Variants in PROCA1 observed in about 807,000 individuals in gnomAD.
PROCA1 encodes the protein protein interacting with cyclin A1.
A neutral mutation model predicts 23.2 loss-of-function variants in PROCA1; 22 were observed. The observed-to-expected ratio is 0.95, with a 90% CI of 0.68 to 1.35. The LOEUF (loss-of-function observed/expected upper bound fraction) is 1.35. PROCA1 is among the 40% of genes most tolerant of loss of function. The pLI is 0.00. For missense variants in PROCA1, 469 were observed against 459.8 expected, an observed-to-expected ratio of 1.02 and a Z score of -0.18; for synonymous variants, 182 against 179.2, an observed-to-expected ratio of 1.02 and a Z score of -0.12.
At chr17:28,710,581 GAGCTCGGACACCCATC>G (rs1179781370) in intron 1 of PROCA1, among the ~76,000 whole-genome samples, 1 of 150,384 alleles carries the variant, frequency 6.6e-6, no homozygotes, top group Non-Finnish European at 1.5e-5. Context: ...AGCTCCCCCA[GAGCTCGGACACCCATC>G]AGCTCTGTTT....
Position 28,711,711 on chromosome 17 carries a change from C to T in PROCA1, c.-51G>A, listed in dbSNP as rs771511558. The T allele has an allele frequency of 1.6e-5, 24 of 1,542,320 alleles. No homozygotes were observed. The highest frequency in any genetic ancestry group is 2.3e-5 in the South Asian group (2 of 86,964). On this transcript the variant is annotated 5_prime_UTR_variant, in exon 1 of 5. Transcript: ENST00000682792. ...TACAGGACTCTTGCGTGAAGTCCAA[C>T]CCTGAGCCTCAGCCCGGCCGAGCCC...
At chr17:28,706,503 T>C (rs1340408536) in intron 2 of PROCA1, 177 bp downstream of exon 2, 1 of 339,032 alleles carries the variant, frequency 2.9e-6, no homozygotes, top group Non-Finnish European at 6.0e-6. Flanking sequence ...AATGGGGTGA[T>C]TGCGGCCTTG....
At position 28,711,711 on chromosome 17, in the gene PROCA1, C is replaced by G; in HGVS notation, c.-51G>C. Reference sequence around the variant, plus strand: ...TACAGGACTCTTGCGTGAAGTCCAACCCTGAGCCTCAGCCCGGCCGAGCCC... The same window carrying G: ...TACAGGACTCTTGCGTGAAGTCCAAGCCTGAGCCTCAGCCCGGCCGAGCCC... On this transcript the variant is annotated 5_prime_UTR_variant, in exon 1 of 5. Transcript: ENST00000682792. The G allele has an allele frequency of 6.5e-7, 1 of 1,542,438 alleles. No individual in the cohort carries two copies. The highest frequency in any genetic ancestry group is 2.4e-5 in the East Asian group (1 of 42,360).
At chr17:28,710,867 TCA>T (rs1175035977) in intron 1 of PROCA1, 1 of 1,303,676 alleles carries the variant, frequency 7.7e-7, no homozygotes, top group South Asian at 1.2e-5. Context: ...AACTCAAAAC[TCA>T]CAAGTTATGC....
In PROCA1 at chr17:28,704,130, C is replaced by G. The variant is rs746509784; in HGVS notation, c.523G>C (p.Glu175Gln). 2 of 1,564,726 alleles carry G rather than the reference C, an allele frequency of 1.3e-6. No homozygotes were observed. The highest frequency in any genetic ancestry group is 1.7e-6 in the Non-Finnish European group (2 of 1,161,534). Residue 175 changes from glutamate to glutamine, a missense_variant, in exon 5 of 5, where the codon GAA becomes CAA. Coordinates refer to ENST00000682792, the MANE Select transcript of PROCA1 (RefSeq NM_001366301.1). The part of the protein sequence containing the change: ...HECGADDLNE[E>Q]EEEEEEESKP... ...CTTTCCTCCTCCTCCTCTTCCTCTT[C>G]TTCATTTAGATCATCTGCCCCACAC... is the stretch of plus-strand genomic sequence containing the variant.
chr17:28,703,710 CCT>C lies in PROCA1; in HGVS notation c.941_942del (p.Gln314ArgfsTer?). 1 of 1,614,136 alleles carries C rather than the reference CCT, an allele frequency of 6.2e-7. No individual in the cohort carries two copies. Among genetic ancestry groups the C allele is most frequent in the South Asian group, 1.1e-5 (1 of 91,080 alleles). On this transcript the variant is annotated frameshift_variant, in exon 5 of 5. Transcript: ENST00000682792. LOFTEE classifies it low-confidence loss of function (END_TRUNC). ...ACAATATCCTCGCTGGACAGTTCTC[CCT>C]GCCCCCGGCCATTGTAACTGTCCTC... ...ESEDSYNGRGQGELSSEDIVE... is the reference protein window; with the variant it reads ...ESEDSYNGRGXGELSSEDIVE...
rs763043877 is a variant in PROCA1 at position 28,711,569 on chromosome 17, C to T, written c.91+1G>A. ...CCCAGCCCCTGCCCCGCCCCTCTTA[C>T]CGCGGCATCTGCTCTCATCCCACGA... On this transcript the variant is annotated splice_donor_variant, in intron 1 of 4. Coordinates refer to ENST00000682792, the MANE Select transcript of PROCA1 (RefSeq NM_001366301.1). LOFTEE classifies it high-confidence loss of function. 1.2e-6 allele frequency: 2 copies of T among 1,608,634 alleles called. No individual in the cohort carries two copies. Among genetic ancestry groups the T allele is most frequent in the Non-Finnish European group, 1.7e-6 (2 of 1,178,324 alleles).
chr17:28,708,096 G>A (rs566621765), intron 1 of PROCA1, among the ~76,000 whole-genome samples: 2 of 152,058 alleles, frequency 1.3e-5, no homozygotes, highest in South Asian at 2.1e-4. Flanking sequence ...TGCACCCTCC[G>A]CCTCCCGGGT....
chr17:28,710,769 C>T, intron 1 of PROCA1: 1 of 1,302,174 alleles, frequency 7.7e-7, no homozygotes, highest in Admixed American at 2.3e-5. Flanking sequence ...ACAACACACA[C>T]AATGAATGAG....
At position 28,711,548 on chromosome 17, in the gene PROCA1, G is replaced by C. The variant is rs745728067; in HGVS notation, c.91+22C>G. The C allele has an allele frequency of 1.1e-5, 18 of 1,596,782 alleles. No homozygotes were observed. The South Asian group carries it at 2.0e-4, about 18-fold the overall frequency. ...CGAGCCGGGCCGCGCCCTCTGCCCA[G>C]CCCCTGCCCCGCCCCTCTTACCGCG... is the stretch of plus-strand genomic sequence containing the variant. On this transcript the variant is annotated intron_variant, in intron 1 of 4. Transcript: ENST00000682792.
Position 28,703,718 on chromosome 17 carries a change from C to G in PROCA1, c.935G>C (p.Arg312Pro). 1 of 1,614,146 alleles carries G rather than the reference C, an allele frequency of 6.2e-7. No individual in the cohort carries two copies. Among genetic ancestry groups the G allele is most frequent in the Non-Finnish European group, 8.5e-7 (1 of 1,180,042 alleles). The change falls in exon 5 of 5, where the codon CGG becomes CCG. Residue 312 changes from arginine to proline, a missense_variant. Coordinates refer to ENST00000682792, the MANE Select transcript of PROCA1 (RefSeq NM_001366301.1). The part of the protein sequence containing the change: ...ELESEDSYNG[R>P]GQGELSSEDI... ...CTCGCTGGACAGTTCTCCCTGCCCC[C>G]GGCCATTGTAACTGTCCTCGCTCTC... is the stretch of plus-strand genomic sequence containing the variant.
intron 2 of PROCA1, 103 bp from the exon 3 acceptor site, chr17:28,704,946 G>T: frequency 1.8e-6 from 2 of 1,111,496 alleles, no homozygotes; most frequent in Non-Finnish European, 2.6e-6. Context: ...ACCACCAGCT[G>T]TCCACCCCAA....
In PROCA1 at chr17:28,703,882, T is replaced by C; in HGVS notation, c.771A>G (p.Lys257=). The change falls in exon 5 of 5, where the codon AAA becomes AAG. Residue 257 remains lysine (K), a synonymous_variant. Transcript: ENST00000682792. The part of the protein sequence containing the change: ...EEMDEKAKLK[K]KAKKGQLTKK... ...TAGTCAACTGGCCTTTCTTGGCTTTTTTCTTCAGCTTTGCCTTCTCATCCA... is the reference window on the plus strand; with the variant it reads ...TAGTCAACTGGCCTTTCTTGGCTTTCTTCTTCAGCTTTGCCTTCTCATCCA... The C allele has an allele frequency of 6.2e-7, 1 of 1,614,158 alleles. No homozygotes were observed. Among genetic ancestry groups the C allele is most frequent in the South Asian group, 1.1e-5 (1 of 91,084 alleles).
intron 1 of PROCA1, among the ~76,000 whole-genome samples, chr17:28,710,116 C>T (rs1235249650): frequency 6.6e-6 from 1 of 152,140 alleles, no homozygotes; most frequent in Non-Finnish European, 1.5e-5. Flanking sequence ...CCCTTATCCA[C>T]CCTGGACCCT....
At chr17:28,706,555 G>T in intron 2 of PROCA1, 125 bp downstream of exon 2, 1 of 549,808 alleles carries the variant, frequency 1.8e-6, no homozygotes, top group Non-Finnish European at 3.1e-6. Flanking sequence ...ATGGGTTGAG[G>T]ATGGGGCAGC....
chr17:28,704,815 G>A lies in PROCA1; in HGVS notation c.204C>T (p.Cys68=), dbSNP rs372940494. 2.0e-5 allele frequency: 33 copies of A among 1,613,164 alleles called. No individual in the cohort carries two copies. The highest frequency in any genetic ancestry group is 2.1e-5 in the Non-Finnish European group (25 of 1,179,940). Residue 68 remains cysteine, a synonymous_variant, in exon 3 of 5, where the codon TGC becomes TGT. Coordinates refer to ENST00000682792, the MANE Select transcript of PROCA1 (RefSeq NM_001366301.1). ...EGDCKEPDKC[C]WRHKQCTGHI... is the part of the protein sequence containing the mutation. ...GCCCAGTGCACTGCTTGTGTCTCCAGCAGCACTTGTCAGGCTCCTTGCAGT... is the reference window on the plus strand; with the variant it reads ...GCCCAGTGCACTGCTTGTGTCTCCAACAGCACTTGTCAGGCTCCTTGCAGT...
intron 1 of PROCA1, among the ~76,000 whole-genome samples, chr17:28,708,746 A>C (rs9902466): frequency 2.0e-5 from 3 of 150,898 alleles, no homozygotes; most frequent in Admixed American, 6.6e-5. Flanking sequence ...AAAAAAAAAA[A>C]CGACATTTTG....
At chr17:28,711,382 T>A (rs1174441796) in intron 1 of PROCA1, 188 bp downstream of exon 1, 3 of 580,786 alleles carry the variant, frequency 5.2e-6, no homozygotes, top group Non-Finnish European at 8.5e-6. Flanking sequence ...GGCCCGCGGC[T>A]CGACGCGAGC....
chr17:28,704,787 T>C lies in PROCA1; in HGVS notation c.232A>G (p.Ile78Val). Reference protein sequence around the residue: ...CWRHKQCTGHIIYPFASDCVR... With the variant: ...CWRHKQCTGHVIYPFASDCVR... ...CAGTCAGAGGCGAAAGGGTAGATGATGTGCCCAGTGCACTGCTTGTGTCTC... is the reference window on the plus strand; with the variant it reads ...CAGTCAGAGGCGAAAGGGTAGATGACGTGCCCAGTGCACTGCTTGTGTCTC... Residue 78 changes from isoleucine to valine, a missense_variant, in exon 3 of 5, where the codon ATC becomes GTC. By Grantham distance (29) the Ile-to-Val change is conservative. Coordinates refer to ENST00000682792, the MANE Select transcript of PROCA1 (RefSeq NM_001366301.1). 6.2e-7 allele frequency: 1 copy of C among 1,613,926 alleles called. No individual in the cohort carries two copies. The highest frequency in any genetic ancestry group is 8.5e-7 in the Non-Finnish European group (1 of 1,180,014).
Sources: allele counts gnomAD v4.1 joint callset (sites outside exome capture counted in the v4.1 genomes callset), GRCh38; gene constraint gnomAD v4.1.1; transcripts MANE v1.5; gene names NCBI Gene and HGNC (gene_info 2026-07-23, HGNC 2026-07-21).